The following ADGRL3 variants were observed in gnomAD, a reference collection of about 807,000 sequenced individuals.
The protein encoded by ADGRL3 is adhesion G protein-coupled receptor L3.
A neutral mutation model predicts 153.5 loss-of-function variants in ADGRL3; 62 were observed. The ratio of observed to expected loss-of-function variants is 0.40; its 90% CI spans 0.33 to 0.50. The LOEUF is 0.50. ADGRL3 is among the 20% of genes least tolerant of loss of function. The pLI is 0.47. For synonymous variants in ADGRL3, 710 were observed against 672.5 expected, an observed-to-expected ratio of 1.06 and a Z score of -0.86; for missense variants, 1,641 against 1,859.4, an observed-to-expected ratio of 0.88 and a Z score of 2.16.
intron 2 of ADGRL3, among the ~76,000 whole-genome samples, chr4:61,409,827 ATAAG>A (rs1054857626): frequency 6.6e-6 from 1 of 152,080 alleles, no homozygotes; most frequent in Non-Finnish European, 1.5e-5. Context: ...TTATCTTTAA[ATAAG>A]TGTTATCTTT....
chr4:61,819,148 A>G (rs1156772108), intron 9 of ADGRL3, among the ~76,000 whole-genome samples: 2 of 152,150 alleles, frequency 1.3e-5, no homozygotes, highest in Non-Finnish European at 2.9e-5. Flanking sequence ...TGCAAAATGT[A>G]CATACATCTC....
intron 1 of ADGRL3, among the ~76,000 whole-genome samples, chr4:61,265,954 G>A (rs1279137878): frequency 6.6e-6 from 1 of 151,818 alleles, no homozygotes; most frequent in African/African-American, 2.4e-5. Context: ...CTACAGTGGT[G>A]TAAATTTAAC....
At chr4:61,742,659 G>C (rs753090295) in intron 8 of ADGRL3, among the ~76,000 whole-genome samples, 13 of 152,078 alleles carry the variant, frequency 8.5e-5, no homozygotes, top group Non-Finnish European at 1.3e-4. Context: ...TAAGCACAAA[G>C]GTATTTCCTT....
At chr4:61,357,952 G>A (rs1215136981) in intron 1 of ADGRL3, among the ~76,000 whole-genome samples, 1 of 152,166 alleles carries the variant, frequency 6.6e-6, no homozygotes, top group Admixed American at 6.5e-5. Flanking sequence ...GAATTAGAAT[G>A]ATTAATTATG....
chr4:61,822,394 AG>A (rs1299757764), intron 9 of ADGRL3, among the ~76,000 whole-genome samples: 1 of 152,166 alleles, frequency 6.6e-6, no homozygotes. Flanking sequence ...TAGTCTCACA[AG>A]GATCCTATTA....
intron 1 of ADGRL3, among the ~76,000 whole-genome samples, chr4:61,227,233 T>A (rs1367235713): frequency 1.3e-5 from 2 of 152,124 alleles, no homozygotes; most frequent in Non-Finnish European, 2.9e-5. Context: ...TGAGATAGGA[T>A]CTTACTTCAT....
intron 1 of ADGRL3, among the ~76,000 whole-genome samples, chr4:61,225,612 A>G (rs1747581566): frequency 6.6e-6 from 1 of 152,186 alleles, no homozygotes; most frequent in South Asian, 2.1e-4. Context: ...GTAATTACAA[A>G]CACCACTTTG....
intron 3 of ADGRL3, among the ~76,000 whole-genome samples, chr4:61,509,188 C>T (rs1202839326): frequency 1.4e-5 from 2 of 142,070 alleles, no homozygotes; most frequent in Non-Finnish European, 3.0e-5. Context: ...AGTGCAATGG[C>T]ACGATCTCGG....
chr4:61,364,842 G>C (rs1293712160), intron 1 of ADGRL3, among the ~76,000 whole-genome samples: 1 of 152,116 alleles, frequency 6.6e-6, no homozygotes, highest in Non-Finnish European at 1.5e-5. Context: ...TTTTCTCTTC[G>C]ATAGTACCTG....
At chr4:61,213,250 G>A (rs1267148152) in intron 1 of ADGRL3, among the ~76,000 whole-genome samples, 1 of 152,132 alleles carries the variant, frequency 6.6e-6, no homozygotes, top group Non-Finnish European at 1.5e-5. Context: ...TAGTCCATAT[G>A]TTTTATTTTA....
At chr4:61,507,534 A>G (rs529736264) in intron 3 of ADGRL3, among the ~76,000 whole-genome samples, 4 of 152,332 alleles carry the variant, frequency 2.6e-5, no homozygotes, top group African/African-American at 9.6e-5. Context: ...AGGCATTCAT[A>G]AAAACTAACG....
chr4:61,791,007 G>A (rs1264880739), intron 8 of ADGRL3, among the ~76,000 whole-genome samples: 2 of 152,072 alleles, frequency 1.3e-5, no homozygotes, highest in Admixed American at 1.3e-4. Context: ...TGGAATTGTG[G>A]GAGTTACAAT....
chr4:61,596,220 A>T (rs1376614195), intron 5 of ADGRL3, among the ~76,000 whole-genome samples: 1 of 152,180 alleles, frequency 6.6e-6, no homozygotes, highest in Non-Finnish European at 1.5e-5. Flanking sequence ...CAAACAGTGT[A>T]TACTTCCATT....
chr4:61,407,421 A>C (rs1270888720), intron 2 of ADGRL3, among the ~76,000 whole-genome samples: 1 of 152,104 alleles, frequency 6.6e-6, no homozygotes, highest in Non-Finnish European at 1.5e-5. Flanking sequence ...ATAATACAAT[A>C]AATAGTCCCT....
At chr4:61,213,865 C>G (rs1741347610) in intron 1 of ADGRL3, among the ~76,000 whole-genome samples, 1 of 151,960 alleles carries the variant, frequency 6.6e-6, no homozygotes, top group Non-Finnish European at 1.5e-5. Flanking sequence ...ATTTTTTTCT[C>G]TAGTACAGAT....
chr4:61,991,552 G>C (rs555308097), intron 19 of ADGRL3, among the ~76,000 whole-genome samples: 1 of 151,978 alleles, frequency 6.6e-6, no homozygotes, highest in Non-Finnish European at 1.5e-5. Context: ...ATTAGAAGTA[G>C]TGTTTAATTC....
intron 4 of ADGRL3, among the ~76,000 whole-genome samples, chr4:61,544,789 T>C (rs536130302): frequency 2.6e-5 from 4 of 152,364 alleles, no homozygotes; most frequent in East Asian, 1.9e-4. Flanking sequence ...TGATTTATGA[T>C]GTTTGTTGTT....
intron 9 of ADGRL3, among the ~76,000 whole-genome samples, chr4:61,857,006 T>TCTTTCTC (rs2098280289): frequency 8.9e-6 from 1 of 112,628 alleles, no homozygotes; most frequent in Non-Finnish European, 1.9e-5. Flanking sequence ...CTTTCTTTCT[T>TCTTTCTC]TCTTTCTTTC....
chr4:61,344,204 A>G (rs2095856727), intron 1 of ADGRL3, among the ~76,000 whole-genome samples: 1 of 152,242 alleles, frequency 6.6e-6, no homozygotes, highest in South Asian at 2.1e-4. Context: ...TGCTCAGTGA[A>G]AAAGAAGATT....
Sources: allele counts gnomAD v4.1 joint callset (sites outside exome capture counted in the v4.1 genomes callset), GRCh38; gene constraint gnomAD v4.1.1; transcripts MANE v1.5; gene names NCBI Gene and HGNC (gene_info 2026-07-23, HGNC 2026-07-21).